ERICH1: variants seen among roughly 807,000 people sequenced by gnomAD.
ERICH1 encodes the protein glutamate-rich protein 1.
Under a neutral mutation model 39.6 loss-of-function variants are expected in ERICH1, and 56 were observed. The ratio of observed to expected loss-of-function variants is 1.41; its 90% CI spans 1.14 to 1.77. The LOEUF is 1.77. Ranked by LOEUF, ERICH1 falls within the 40% of genes most tolerant of loss-of-function variation. ERICH1 has a pLI of 0.00. For synonymous variants in ERICH1, 313 were observed against 223.6 expected, an observed-to-expected ratio of 1.40 and a Z score of -3.57; for missense variants, 826 against 575.4, an observed-to-expected ratio of 1.44 and a Z score of -4.45.
In ERICH1 at chr8:632,175, G is replaced by C. The variant is rs563626334; in HGVS notation, c.977-16891C>G. Among the ~76,000 whole-genome samples the C allele has an allele frequency of 5.3e-5, 8 of 152,288 alleles. No individual in the cohort carries two copies. In the South Asian group the frequency reaches 1.7e-3, roughly 32 times the overall value. On this transcript the variant is annotated intron_variant, in intron 3 of 3. Coordinates refer to the ERICH1 transcript ENST00000522706. ...TAAGGGAGGCTGTGACTTTTCCTCAGTCTTGAATTTTGATGTTGTAGTGAT... is the reference window on the plus strand; with the variant it reads ...TAAGGGAGGCTGTGACTTTTCCTCACTCTTGAATTTTGATGTTGTAGTGAT...
chr8:619,020 G>C (rs1797109916), intron 3 of ERICH1, among the ~76,000 whole-genome samples: 1 of 152,178 alleles, frequency 6.6e-6, no homozygotes. Flanking sequence ...GGAAAATCCA[G>C]TAAATCTTAG....
chr8:684,756 G>A (rs1334413721), intron 3 of ERICH1, among the ~76,000 whole-genome samples: 5 of 152,116 alleles, frequency 3.3e-5, no homozygotes, highest in South Asian at 2.1e-4. Flanking sequence ...CTGGGTGTCC[G>A]GGGGAGACAT....
intron 3 of ERICH1, chr8:640,852 T>C (rs184785371): frequency 6.6e-6 from 1 of 152,216 alleles, no homozygotes; most frequent in South Asian, 2.1e-4. Flanking sequence ...CACCAGACAA[T>C]TGAAAATATT....
intron 4 of ERICH1, among the ~76,000 whole-genome samples, chr8:670,774 A>G (rs1053346232): frequency 1.3e-5 from 2 of 151,964 alleles, no homozygotes; most frequent in Admixed American, 1.3e-4. Flanking sequence ...CCCAGCTCCA[A>G]CCTCTGAACC....
chr8:629,168 C>T (rs977684438), intron 3 of ERICH1, among the ~76,000 whole-genome samples: 1 of 152,166 alleles, frequency 6.6e-6, no homozygotes, highest in Admixed American at 6.5e-5. Flanking sequence ...CGTGATCATA[C>T]GGTCCCACCC....
intron 2 of ERICH1, among the ~76,000 whole-genome samples, chr8:700,715 TG>T (rs35016270): frequency 0.72 from 109,267 of 152,180 alleles, 40,278 homozygotes; most frequent in Non-Finnish European, 0.8. Flanking sequence ...TGCTCAGCGG[TG>T]GGAGGTCCTG....
chr8:707,464 T>A (rs1813573347), intron 2 of ERICH1, among the ~76,000 whole-genome samples: 2 of 152,036 alleles, frequency 1.3e-5, no homozygotes, highest in Admixed American at 1.3e-4. Flanking sequence ...CACCTCAGCC[T>A]CCAAAGTGCT....
At chr8:666,482 C>G (rs1490439671) in intron 5 of ERICH1, 1 of 152,282 alleles carries the variant, frequency 6.6e-6, no homozygotes, top group African/African-American at 2.4e-5. Context: ...GCCGCCCTCT[C>G]CGCACACACA....
chr8:724,560 C>T (rs903713079), intron 1 of ERICH1, among the ~76,000 whole-genome samples: 12 of 152,256 alleles, frequency 7.9e-5, no homozygotes, highest in African/African-American at 2.4e-4. Context: ...ACTCAGTTCT[C>T]GGAGTCAGTT....
chr8:700,756 G>A (rs1284154869), intron 2 of ERICH1, among the ~76,000 whole-genome samples: 4 of 152,262 alleles, frequency 2.6e-5, no homozygotes, highest in African/African-American at 9.6e-5. Context: ...CCATGCAAAT[G>A]TGGTTTGCTG....
chr8:653,898 G>A (rs536580916), intron 3 of ERICH1, among the ~76,000 whole-genome samples: 8 of 151,854 alleles, frequency 5.3e-5, no homozygotes, highest in East Asian at 1.9e-4. Flanking sequence ...GCTATAACAC[G>A]AGAAACCCTG....
chr8:729,576 G>A (rs1277532263), intron 1 of ERICH1, among the ~76,000 whole-genome samples: 2 of 152,186 alleles, frequency 1.3e-5, no homozygotes, highest in Non-Finnish European at 1.5e-5. Flanking sequence ...GGGCTCTTCA[G>A]GTGATCTTGA....
At chr8:632,014 A>C (rs190005554) in intron 3 of ERICH1, among the ~76,000 whole-genome samples, 2,380 of 152,078 alleles carry the variant, frequency 0.016, 55 homozygotes, top group African/African-American at 0.054. Flanking sequence ...AGAACTCCCA[A>C]AGCACCACAG....
At chr8:631,467 C>T (rs66516008) in intron 3 of ERICH1, among the ~76,000 whole-genome samples, 18 of 151,986 alleles carry the variant, frequency 1.2e-4, no homozygotes, top group African/African-American at 3.6e-4. Context: ...GTAACCTGAG[C>T]GGGAAGTGGA....
chr8:624,589 G>C (rs935629516), intron 3 of ERICH1, among the ~76,000 whole-genome samples: 4 of 152,214 alleles, frequency 2.6e-5, no homozygotes, highest in Non-Finnish European at 4.4e-5. Flanking sequence ...CAGGAAGCAT[G>C]GCTGGGGAGG....
intron 2 of ERICH1, among the ~76,000 whole-genome samples, chr8:704,963 A>G (rs190409514): frequency 2.6e-5 from 4 of 152,366 alleles, no homozygotes; most frequent in Non-Finnish European, 5.9e-5. Flanking sequence ...ACAAATTTAA[A>G]AAAAAGTTCA....
At chr8:723,079 C>T (rs1174653333) in intron 1 of ERICH1, among the ~76,000 whole-genome samples, 1 of 152,178 alleles carries the variant, frequency 6.6e-6, no homozygotes. Context: ...TGGTGCCCAC[C>T]TCATGGTGAT....
chr8:720,551 G>A (rs1422642473), intron 1 of ERICH1, among the ~76,000 whole-genome samples: 1 of 152,208 alleles, frequency 6.6e-6, no homozygotes, highest in Non-Finnish European at 1.5e-5. Flanking sequence ...TTTTCATATG[G>A]AGGGTGGGAG....
intron 3 of ERICH1, among the ~76,000 whole-genome samples, chr8:630,947 A>AGACAGAGCTGACACACC: frequency 7.5e-6 from 1 of 134,022 alleles, no homozygotes; most frequent in South Asian, 2.4e-4. Context: ...GCTGACACAC[A>AGACAGAGCTGACACACC]CCCTCCTGTG....
Sources: gnomAD v4.1 joint callset for allele counts (sites outside exome capture counted in the v4.1 genomes callset) on GRCh38, gnomAD v4.1.1 for gene constraint, MANE v1.5 for transcripts, NCBI Gene and HGNC (gene_info 2026-07-23, HGNC 2026-07-21) for gene names.